Variants in CTF1 observed in about 807,000 individuals in gnomAD.
CTF1 encodes cardiotrophin 1.
Under a neutral mutation model 10.9 loss-of-function variants are expected in CTF1, and 9 were observed. The ratio of observed to expected loss-of-function variants is 0.83; its 90% confidence interval spans 0.50 to 1.44. The LOEUF is 1.44. Ranked by LOEUF, CTF1 falls within the 40% of genes most tolerant of loss-of-function variation. CTF1 has a pLI of 0.00. For missense variants in CTF1, 259 were observed against 275.3 expected (o/e 0.94, Z 0.42); for synonymous variants, 133 against 138.8 (o/e 0.96, Z 0.29).
Position 30,902,118 on chromosome 16 carries a change from C to G in CTF1, c.185C>G (p.Ser62Trp). 1 of 1,414,968 alleles carries G rather than the reference C, an allele frequency of 7.1e-7. No homozygotes were observed. The highest frequency in any genetic ancestry group is 3.0e-5 in the East Asian group (1 of 32,956). 87.7% of individuals were successfully genotyped at this position (1,414,968 alleles called of 1,614,324 possible). A position where few individuals can be genotyped will look rare whatever the true frequency, so the allele number is the denominator to read the frequency against. Residue 62 changes from serine (S) to tryptophan (W), a missense_variant, in exon 3 of 3, where the codon TCG becomes TGG. Transcript: ENST00000279804. ...GACCCCTTCGGGCTGCCCAGCTTCTCGCCGCCGCGGCTGCCGGTGGCCGGC... is the reference window on the plus strand; with the variant it reads ...GACCCCTTCGGGCTGCCCAGCTTCTGGCCGCCGCGGCTGCCGGTGGCCGGC... ...QGDPFGLPSFSPPRLPVAGLS... is the reference protein window; with the variant it reads ...QGDPFGLPSFWPPRLPVAGLS...
chr16:30,899,188 A>C (rs1232169621), intron 1 of CTF1, among the ~76,000 whole-genome samples: 2 of 152,226 alleles, frequency 1.3e-5, no homozygotes, highest in African/African-American at 4.8e-5. Context: ...GTTGTTAAGC[A>C]AGGCATGACT....
In CTF1 at chr16:30,899,350, G is replaced by T. The variant is rs1407241814; in HGVS notation, c.26-65G>T. ...TGATGGGGTCAGGAACAAAGAGCCA[G>T]CGTGGGAGAGGTGATCAATGAGCAG... On this transcript the variant is annotated intron_variant, in intron 1 of 2. Coordinates refer to ENST00000279804, the MANE Select transcript of CTF1 (RefSeq NM_001330.5). 3 of 983,298 alleles carry T rather than the reference G, an allele frequency of 3.1e-6. No homozygotes were observed. The African/African-American group carries it at 4.8e-5, about 16-fold the overall frequency. 60.9% of individuals were successfully genotyped at this position (983,298 alleles called of 1,614,324 possible).
Position 30,902,518 on chromosome 16 carries a change from G to A in CTF1, c.585G>A (p.Leu195=). Residue 195 remains leucine, a synonymous_variant, in exon 3 of 3, where the codon CTG becomes CTA. Coordinates refer to ENST00000279804, the MANE Select transcript of CTF1 (RefSeq NM_001330.5). ...GCACCGAGGGCGACCTGGGCCAGCTGCTGCCCGGGGGCTCGGCCTGAGCGC... is the reference window on the plus strand; with the variant it reads ...GCACCGAGGGCGACCTGGGCCAGCTACTGCCCGGGGGCTCGGCCTGAGCGC... The part of the protein sequence containing the change: ...LSRTEGDLGQ[L]LPGGSA The A allele has an allele frequency of 1.3e-6, 2 of 1,495,554 alleles. No individual in the cohort carries two copies. Among genetic ancestry groups the A allele is most frequent in the East Asian group, 2.8e-5 (1 of 36,246 alleles). The allele number at this position is 1,495,554 out of a possible 1,614,324, so 92.6% of individuals were successfully genotyped here.
At chr16:30,897,760 C>T (rs1391575590) in intron 1 of CTF1, among the ~76,000 whole-genome samples, 2 of 152,112 alleles carry the variant, frequency 1.3e-5, no homozygotes, top group African/African-American at 2.4e-5. Context: ...GAGACCCAGG[C>T]GGGAGGATCG....
chr16:30,898,264 C>T (rs144739323), intron 1 of CTF1, among the ~76,000 whole-genome samples: 8 of 151,586 alleles, frequency 5.3e-5, no homozygotes, highest in Non-Finnish European at 1.0e-4. Flanking sequence ...CAGGTTCAAG[C>T]GATTCTCATG....
chr16:30,902,270 C>CCG lies in CTF1; in HGVS notation c.345_346dup (p.Pro116ArgfsTer71), dbSNP rs1167643962. The CCG allele has an allele frequency of 1.9e-6, 2 of 1,043,628 alleles. No individual in the cohort carries two copies. Among genetic ancestry groups the CCG allele is most frequent in the South Asian group, 4.2e-5 (1 of 23,558 alleles). 64.6% of individuals were successfully genotyped at this position (1,043,628 alleles called of 1,614,324 possible). On this transcript the variant is annotated frameshift_variant, in exon 3 of 3. Coordinates refer to ENST00000279804, the MANE Select transcript of CTF1 (RefSeq NM_001330.5). LOFTEE classifies it high-confidence loss of function. ...GTGTCGCCGCCAGGCCGAGCTGAACCCGCGCGCGCCGCGCCTGCTGCGCCG... is the reference window on the plus strand; with the variant it reads ...GTGTCGCCGCCAGGCCGAGCTGAACCCGCGCGCGCGCCGCGCCTGCTGCGCCG...
In CTF1 at chr16:30,902,186, G is replaced by A. The variant is rs1489208133; in HGVS notation, c.253G>A (p.Glu85Lys). The A allele has an allele frequency of 1.6e-6, 2 of 1,213,868 alleles. No homozygotes were observed. Among genetic ancestry groups the A allele is most frequent in the East Asian group, 6.9e-5 (2 of 28,940 alleles). The allele number at this position is 1,213,868 out of a possible 1,614,324, so 75.2% of individuals were successfully genotyped here. ...GAGCCACGCGGGGCTGCCAGTGCACGAGCGGCTGCGGCTGGACGCGGCGGC... is the reference window on the plus strand; with the variant it reads ...GAGCCACGCGGGGCTGCCAGTGCACAAGCGGCTGCGGCTGGACGCGGCGGC... ...APSHAGLPVHERLRLDAAALA... is the reference protein window; with the variant it reads ...APSHAGLPVHKRLRLDAAALA... The change falls in exon 3 of 3, where the codon GAG becomes AAG. Residue 85 changes from glutamate to lysine, a missense_variant. Transcript: ENST00000279804.
At chr16:30,899,572 G>GT in intron 2 of CTF1, 39 bp downstream of exon 2, 1 of 832,160 alleles carries the variant, frequency 1.2e-6, no homozygotes, top group Non-Finnish European at 2.0e-6. Flanking sequence ...GGGGCCTGGG[G>GT]AATGGGAGCA....
In CTF1 at chr16:30,902,076, A is replaced by T; in HGVS notation, c.145-2A>T. 6.9e-7 allele frequency: 1 copy of T among 1,450,922 alleles called. No individual in the cohort carries two copies. Among genetic ancestry groups the T allele is most frequent in the Non-Finnish European group, 9.1e-7 (1 of 1,101,318 alleles). The allele number at this position is 1,450,922 out of a possible 1,614,324, so 89.9% of individuals were successfully genotyped here. ...GCTGACCCGCCGGCCGTGTCTCCGCAGGTGCAGCTCCAGGGAGACCCCTTC... is the reference window on the plus strand; with the variant it reads ...GCTGACCCGCCGGCCGTGTCTCCGCTGGTGCAGCTCCAGGGAGACCCCTTC... On this transcript the variant is annotated splice_acceptor_variant, in intron 2 of 2. Transcript: ENST00000279804. LOFTEE classifies it high-confidence loss of function.
intron 2 of CTF1, among the ~76,000 whole-genome samples, chr16:30,901,165 T>A (rs2055397635): frequency 6.6e-6 from 1 of 152,190 alleles, no homozygotes; most frequent in Non-Finnish European, 1.5e-5. Flanking sequence ...AGTGCCTGGA[T>A]TACAGGCGTG....
Position 30,902,679 on chromosome 16 carries a change from G to C in CTF1, c.*140G>C, listed in dbSNP as rs899967208. The C allele has an allele frequency of 2.4e-6, 3 of 1,255,566 alleles. No individual in the cohort carries two copies. The highest frequency in any genetic ancestry group is 3.1e-6 in the Non-Finnish European group (3 of 980,054). The allele number at this position is 1,255,566 out of a possible 1,614,324, so 77.8% of individuals were successfully genotyped here. A position where few individuals can be genotyped will look rare whatever the true frequency, so the allele number is the denominator to read the frequency against. ...TGCCTCGGCCTTCTTTGCTTTTTGT[G>C]GGGGAGAGGGGAGGGGACGGGCAGG... is the stretch of plus-strand genomic sequence containing the variant. On this transcript the variant is annotated 3_prime_UTR_variant, in exon 3 of 3. Coordinates refer to ENST00000279804, the MANE Select transcript of CTF1 (RefSeq NM_001330.5).
chr16:30,897,442 C>T (rs2055363120), intron 1 of CTF1, among the ~76,000 whole-genome samples: 2 of 152,140 alleles, frequency 1.3e-5, no homozygotes, highest in Non-Finnish European at 2.9e-5. Context: ...AAAGGGCTCT[C>T]AGGCTAAGGC....
chr16:30,896,576 A>T, upstream of CTF1: 3 of 1,241,798 alleles, frequency 2.4e-6, no homozygotes, highest in Middle Eastern at 2.4e-4. Flanking sequence ...CCACGCCCCC[A>T]GCCCTTTCCC....
At chr16:30,898,206 G>C (rs1218377492) in intron 1 of CTF1, among the ~76,000 whole-genome samples, 1 of 148,950 alleles carries the variant, frequency 6.7e-6, no homozygotes, top group African/African-American at 2.5e-5. Flanking sequence ...CTGTCACCCA[G>C]GCTGGAGTGC....
upstream of CTF1, chr16:30,896,532 T>G (rs755608733): frequency 2.2e-5 from 21 of 958,700 alleles, no homozygotes; most frequent in Non-Finnish European, 2.8e-5. Context: ...GGATGAAATG[T>G]TTGGGGTCTG....
Position 30,902,723 on chromosome 16 carries a change from G to T in CTF1, c.*184G>T. The T allele has an allele frequency of 1.1e-6, 1 of 908,894 alleles. No individual in the cohort carries two copies. Among genetic ancestry groups the T allele is most frequent in the South Asian group, 2.6e-5 (1 of 37,792 alleles). The allele number at this position is 908,894 out of a possible 1,614,324, so 56.3% of individuals were successfully genotyped here. A position where few individuals can be genotyped will look rare whatever the true frequency, so the allele number is the denominator to read the frequency against. On this transcript the variant is annotated 3_prime_UTR_variant, in exon 3 of 3. Transcript: ENST00000279804. ...GGGCAGGGTCTCTGTCGCCCAGGCT[G>T]GGGTGCAGTGGCGCGATCCCAGCAC...
intron 2 of CTF1, among the ~76,000 whole-genome samples, chr16:30,900,993 A>T (rs2143240179): frequency 6.6e-6 from 1 of 151,506 alleles, no homozygotes; most frequent in East Asian, 1.9e-4. Flanking sequence ...TCCCAGGTTC[A>T]AGGGATTCTT....
Position 30,899,431 on chromosome 16 carries a change from T to C in CTF1, c.42T>C (p.Asp14=), listed in dbSNP as rs1758920661. Residue 14 remains aspartate, a synonymous_variant, in exon 2 of 3, where the codon GAT becomes GAC. Coordinates refer to ENST00000279804, the MANE Select transcript of CTF1 (RefSeq NM_001330.5). ...REGSLEDPQT[D]SSVSLLPHLE... is the part of the protein sequence containing the mutation. ...TCCCACCAGAAGACCCCCAGACTGA[T>C]TCCTCAGTCTCACTTCTTCCCCACT... is the stretch of plus-strand genomic sequence containing the variant. 5 of 1,610,126 alleles carry C rather than the reference T, an allele frequency of 3.1e-6. No homozygotes were observed. The South Asian group carries it at 5.5e-5, about 18-fold the overall frequency.
At chr16:30,897,778 C>A (rs2055366676) in intron 1 of CTF1, among the ~76,000 whole-genome samples, 1 of 152,082 alleles carries the variant, frequency 6.6e-6, no homozygotes, top group South Asian at 2.1e-4. Flanking sequence ...TCGCTTGAGC[C>A]CAGGAGGTCG....
Sources: gnomAD v4.1 joint callset for allele counts (sites outside exome capture counted in the v4.1 genomes callset) on GRCh38, gnomAD v4.1.1 for gene constraint, MANE v1.5 for transcripts, NCBI Gene and HGNC (gene_info 2026-07-23, HGNC 2026-07-21) for gene names.